SECISBP2L: variants seen among roughly 807,000 people sequenced by gnomAD.
SECISBP2L encodes the protein SECIS binding protein 2 like.
In SECISBP2L, 43 loss-of-function variants were observed where a neutral mutation model predicts 114.7. The observed-to-expected ratio is 0.38, with a 90% CI of 0.29 to 0.48. The LOEUF (loss-of-function observed/expected upper bound fraction) is 0.48, where lower values mean the gene tolerates loss of function less well. Among genes scored for constraint, SECISBP2L ranks in the 20% least tolerant of loss-of-function variants. SECISBP2L has a pLI of 0.98. For synonymous variants in SECISBP2L, 451 were observed against 439.7 expected, an observed-to-expected ratio of 1.03 and a Z score of -0.32; for missense variants, 1,136 against 1,301.1, an observed-to-expected ratio of 0.87 and a Z score of 1.95.
chr15:49,007,716 T>A (rs907037152), intron 14 of SECISBP2L, among the ~76,000 whole-genome samples: 7 of 152,188 alleles, frequency 4.6e-5, no homozygotes, highest in Non-Finnish European at 7.3e-5. Flanking sequence ...GTAGGAAATA[T>A]ATACAATTTC....
rs565604424 is a variant in SECISBP2L, at chr15:48,993,121, G to A, written c.2624-195C>T. Among the ~76,000 whole-genome samples, 34 of 151,770 alleles carry A rather than the reference G, an allele frequency of 2.2e-4. No homozygotes were observed. In the South Asian group the frequency reaches 7.1e-3, roughly 32 times the overall value. On this transcript the variant is annotated intron_variant, in intron 17 of 17. Transcript: ENST00000559471. ...AGAGAGTGTGTGTGTGTGTGTGTGT[G>A]TGTGTGTGTGTGTGTGTGTGTTTCA...
In SECISBP2L at chr15:49,035,318, A is replaced by G. The variant is rs979685584; in HGVS notation, c.528+16T>C. On this transcript the variant is annotated intron_variant, in intron 3 of 17. Transcript: ENST00000559471. ...GTAATATCAAATTTAAAAGCCAATC[A>G]AGACCAGACACTTACTTTTGGGACC... The G allele has an allele frequency of 6.2e-7, 1 of 1,603,790 alleles. No homozygotes were observed. The highest frequency in any genetic ancestry group is 1.3e-5 in the African/African-American group (1 of 74,544).
intron 12 of SECISBP2L, 49 bp downstream of exon 12, chr15:49,012,593 GATTAAA>G (rs1180876325): frequency 6.4e-7 from 1 of 1,573,658 alleles, no homozygotes; most frequent in African/African-American, 1.4e-5. Flanking sequence ...TTACAAAACA[GATTAAA>G]ATCCTTATTC....
chr15:48,996,568 C>T lies in SECISBP2L; in HGVS notation c.2422G>A (p.Val808Ile), dbSNP rs775865307. The T allele has an allele frequency of 3.1e-6, 5 of 1,613,062 alleles. No individual in the cohort carries two copies. In the Admixed American group the frequency reaches 6.7e-5, roughly 22 times the overall value. The change falls in exon 17 of 18, where the codon GTA (valine) becomes ATA (isoleucine). Residue 808 changes from valine (V) to isoleucine (I), a missense_variant. Around this residue, in one of 2 missense-constraint regions of SECISBP2L, gnomAD observed 684 missense variants for 848.7 expected, o/e 0.81. Transcript: ENST00000559471. ...FGAESLFNKL[V>I]ELTEEARKAY... The stretch of plus-strand genomic sequence containing the variant: ...TTCCTGGCCTCCTCAGTGAGTTCTA[C>T]TAATTTATTAAACAGGCTCTGAAAA...
At chr15:49,006,841 C>A (rs548157120) in intron 14 of SECISBP2L, among the ~76,000 whole-genome samples, 1 of 152,070 alleles carries the variant, frequency 6.6e-6, no homozygotes, top group Non-Finnish European at 1.5e-5. Flanking sequence ...CCCTTGCTGG[C>A]GAGGAGTTGT....
intron 13 of SECISBP2L, 155 bp downstream of exon 13, chr15:49,011,576 G>C (rs1174864426): frequency 1.1e-5 from 9 of 830,418 alleles, no homozygotes; most frequent in Non-Finnish European, 1.6e-5. Context: ...CCCTACAAAA[G>C]CATCTTTAAA....
rs372957861 is a variant in SECISBP2L, at chr15:48,999,857, T to A, written c.2379A>T (p.Gly793=). 1 of 1,613,890 alleles carries A rather than the reference T, an allele frequency of 6.2e-7. No homozygotes were observed. The highest frequency in any genetic ancestry group is 1.1e-5 in the South Asian group (1 of 91,064). Residue 793 remains glycine, a synonymous_variant, in exon 16 of 18, where the codon GGA becomes GGT. Transcript: ENST00000559471. ...VNKLVPVSVV[G]IFNYFGAESL... Reference sequence around the variant, plus strand: ...CCTCAGCACCAAAGTAGTTGAAGATTCCCACTACGCTAACAGGAACCAGCT... The same window carrying A: ...CCTCAGCACCAAAGTAGTTGAAGATACCCACTACGCTAACAGGAACCAGCT...
In SECISBP2L at chr15:49,032,996, A is replaced by G. The variant is rs767574345; in HGVS notation, c.633T>C (p.Ile211=). 59 of 1,613,946 alleles carry G rather than the reference A, an allele frequency of 3.7e-5. No homozygotes were observed. The South Asian group carries it at 6.3e-4, about 17-fold the overall frequency. ...NAAGPDSRSK[I]VLLVDASQQT... Reference sequence around the variant, plus strand: ...GCTGTGAAGCATCTACCAGAAGCACAATTTTTGATCGACTATCAGGACCTG... The same window carrying G: ...GCTGTGAAGCATCTACCAGAAGCACGATTTTTGATCGACTATCAGGACCTG... The change falls in exon 4 of 18, where the codon ATT becomes ATC. Residue 211 remains isoleucine, a synonymous_variant. Transcript: ENST00000559471.
intron 7 of SECISBP2L, among the ~76,000 whole-genome samples, chr15:49,026,840 A>G (rs2141078327): frequency 1.3e-5 from 2 of 152,350 alleles, no homozygotes; most frequent in South Asian, 4.1e-4. Context: ...AGGAAGATAC[A>G]GTTATGGGTA....
rs144800607 is a variant in SECISBP2L, at chr15:49,035,350, C to T, written c.512G>A (p.Gly171Glu). 1.2e-6 allele frequency: 2 copies of T among 1,613,558 alleles called. No individual in the cohort carries two copies. Among genetic ancestry groups the T allele is most frequent in the South Asian group, 2.2e-5 (2 of 91,044 alleles). ...GACACTTACTTTTGGGACCACTGAT[C>T]CTCTGTTACTGTTTCTGCTTCGATG... ...SSHRSRNSNR[G>E]SVVPKQQLLQ... The change falls in exon 3 of 18, where the codon GGA becomes GAA. Residue 171 changes from glycine to glutamate, a missense_variant. Coordinates refer to ENST00000559471, the MANE Select transcript of SECISBP2L (RefSeq NM_001193489.2).
At chr15:49,010,558 T>C (rs1417062822) in intron 13 of SECISBP2L, among the ~76,000 whole-genome samples, 1 of 152,170 alleles carries the variant, frequency 6.6e-6, no homozygotes, top group Admixed American at 6.5e-5. Flanking sequence ...TCATCCGGGC[T>C]GGAGTGCAGT....
intron 11 of SECISBP2L, among the ~76,000 whole-genome samples, chr15:49,014,452 AC>A (rs1425287606): frequency 6.6e-6 from 1 of 152,194 alleles, no homozygotes; most frequent in Non-Finnish European, 1.5e-5. Flanking sequence ...TACATTCATA[AC>A]TATATGCTAA....
At chr15:49,022,368 A>G (rs979589372) in intron 7 of SECISBP2L, among the ~76,000 whole-genome samples, 9 of 152,164 alleles carry the variant, frequency 5.9e-5, no homozygotes, top group African/African-American at 1.9e-4. Context: ...GGGAGGCTGA[A>G]GCGGATGGAT....
intron 1 of SECISBP2L, among the ~76,000 whole-genome samples, chr15:49,044,932 C>T (rs1903211731): frequency 6.6e-6 from 1 of 152,088 alleles, no homozygotes; most frequent in Non-Finnish European, 1.5e-5. Context: ...AACACACATA[C>T]AAGGAAATGA....
intron 13 of SECISBP2L, 74 bp downstream of exon 13, chr15:49,011,657 T>C: frequency 6.6e-7 from 1 of 1,517,628 alleles, no homozygotes; most frequent in Non-Finnish European, 9.0e-7. Flanking sequence ...GAGCATTAAC[T>C]AGTGATAGCT....
intron 7 of SECISBP2L, among the ~76,000 whole-genome samples, chr15:49,022,533 A>G (rs11631321): frequency 2.0e-5 from 3 of 151,416 alleles, no homozygotes; most frequent in African/African-American, 7.2e-5. Flanking sequence ...ACCCAGGAGG[A>G]GGAGGTTGCA....
Position 49,012,772 on chromosome 15 carries a change from T to G in SECISBP2L, c.1607A>C (p.Lys536Thr). ...ACAGGGCTGACTTTTGGTTAAAGGT[T>G]TTCTATTAGTAGAGTCTTTAGTGTG... Reference protein sequence around the residue: ...SFHTKDSTNRKPLTKSQPCLT... With the variant: ...SFHTKDSTNRTPLTKSQPCLT... Residue 536 changes from lysine (K) to threonine (T), a missense_variant, in exon 12 of 18, where the codon AAA (lysine) becomes ACA (threonine). Physicochemically the swap from Lys to Thr is moderately conservative, Grantham distance 78 (BLOSUM62 -1). Coordinates refer to ENST00000559471, the MANE Select transcript of SECISBP2L (RefSeq NM_001193489.2). 2 of 1,613,938 alleles carry G rather than the reference T, an allele frequency of 1.2e-6. No individual in the cohort carries two copies. Among genetic ancestry groups the G allele is most frequent in the Non-Finnish European group, 1.7e-6 (2 of 1,179,932 alleles).
chr15:49,016,653 G>C lies in SECISBP2L; in HGVS notation c.1468C>G (p.Leu490Val). ...AGKKNKTPVQ[L>V]DLGDMLAALE... ...GCAGCTAACATGTCCCCTAAATCTA[G>C]CTGCACAGGTGTTTTATTCTTTTTT... is the stretch of plus-strand genomic sequence containing the variant. The change falls in exon 11 of 18, where the codon CTA becomes GTA. Residue 490 changes from leucine to valine, a missense_variant. By Grantham distance (32) the Leu-to-Val change is conservative (BLOSUM62 1). Transcript: ENST00000559471. 7 of 1,607,464 alleles carry C rather than the reference G, an allele frequency of 4.4e-6. No individual in the cohort carries two copies. Among genetic ancestry groups the C allele is most frequent in the Non-Finnish European group, 5.9e-6 (7 of 1,176,836 alleles).
At chr15:49,013,042 G>T (rs1180380225) in intron 11 of SECISBP2L, 2 of 460,450 alleles carry the variant, frequency 4.3e-6, no homozygotes, top group Admixed American at 7.7e-5. Context: ...CCATTATAGG[G>T]GTAAATAATT....
Sources: allele counts gnomAD v4.1 joint callset (sites outside exome capture counted in the v4.1 genomes callset), GRCh38; gene constraint gnomAD v4.1.1; regional missense constraint gnomAD v4.1.1; transcripts MANE v1.5; gene names NCBI Gene and HGNC (gene_info 2026-07-23, HGNC 2026-07-21).